MS4A8: variants seen among roughly 807,000 people sequenced by gnomAD.
MS4A8 encodes membrane-spanning 4-domains subfamily A member 8.
In MS4A8, 27 loss-of-function variants were observed where a neutral mutation model predicts 23.7. That is an observed-to-expected ratio of 1.14 (90% CI 0.84 to 1.57). MS4A8 has a LOEUF of 1.57. Among genes scored for constraint, MS4A8 ranks in the 40% most tolerant of loss-of-function variants. MS4A8 has a pLI of 0.00. For synonymous variants in MS4A8, 138 were observed against 126.3 expected, an observed-to-expected ratio of 1.09 and a Z score of -0.62; for missense variants, 301 against 311.4, an observed-to-expected ratio of 0.97 and a Z score of 0.25.
Position 60,715,567 on chromosome 11 carries a change from G to C in MS4A8, c.*153G>C, listed in dbSNP as rs1195197693. 8 of 621,764 alleles carry C rather than the reference G, an allele frequency of 1.3e-5. No homozygotes were observed. The highest frequency in any genetic ancestry group is 2.0e-5 in the Non-Finnish European group (7 of 355,250). 38.5% of individuals were successfully genotyped at this position (621,764 alleles called of 1,614,324 possible). A position where few individuals can be genotyped will look rare whatever the true frequency, so the allele number is the denominator to read the frequency against. ...CACCTTCATTCTTCAATTCAGTCTAGGAAACCATGCTGTTTCTCTATCAAG... is the reference window on the plus strand; with the variant it reads ...CACCTTCATTCTTCAATTCAGTCTACGAAACCATGCTGTTTCTCTATCAAG... On this transcript the variant is annotated 3_prime_UTR_variant, in exon 7 of 7. Coordinates refer to ENST00000300226, the MANE Select transcript of MS4A8 (RefSeq NM_031457.2).
At chr11:60,710,318 T>C (rs941277191) in intron 5 of MS4A8, among the ~76,000 whole-genome samples, 1 of 152,240 alleles carries the variant, frequency 6.6e-6, no homozygotes, top group Non-Finnish European at 1.5e-5. Flanking sequence ...TAGCTCATAG[T>C]TCATACATCC....
chr11:60,707,344 C>CCTT (rs1375426001), intron 4 of MS4A8, among the ~76,000 whole-genome samples: 1 of 152,072 alleles, frequency 6.6e-6, no homozygotes, highest in Non-Finnish European at 1.5e-5. Flanking sequence ...TAACAGCTTT[C>CCTT]CTAAGAAGCC....
intron 5 of MS4A8, among the ~76,000 whole-genome samples, chr11:60,713,737 C>T (rs1393143077): frequency 1.3e-5 from 2 of 151,990 alleles, no homozygotes; most frequent in Non-Finnish European, 2.9e-5. Context: ...GGCTGGGGGA[C>T]GGTCAGGTCT....
chr11:60,714,787 A>T (rs903692121), intron 5 of MS4A8, among the ~76,000 whole-genome samples: 1 of 152,056 alleles, frequency 6.6e-6, no homozygotes, highest in Non-Finnish European at 1.5e-5. Flanking sequence ...GCTTCCCTAA[A>T]CATGGTCATC....
At chr11:60,707,284 A>G (rs1383493932) in intron 4 of MS4A8, among the ~76,000 whole-genome samples, 2 of 152,058 alleles carry the variant, frequency 1.3e-5, no homozygotes, top group Non-Finnish European at 1.5e-5. Flanking sequence ...CAGTCACCTT[A>G]GTTAAGGCAT....
intron 4 of MS4A8, among the ~76,000 whole-genome samples, chr11:60,708,301 C>T (rs367827450): frequency 1.2e-4 from 19 of 152,206 alleles, no homozygotes; most frequent in African/African-American, 3.9e-4. Flanking sequence ...ATCTGTTTAC[C>T]TTTGCCCAAC....
At chr11:60,705,016 A>G (rs1376004054) in intron 3 of MS4A8, among the ~76,000 whole-genome samples, 2 of 152,062 alleles carry the variant, frequency 1.3e-5, no homozygotes, top group Admixed American at 6.5e-5. Context: ...TTCCTCATAA[A>G]TGGCACAACT....
Position 60,715,065 on chromosome 11 carries a change from C to G in MS4A8, c.579C>G (p.Leu193=). The G allele has an allele frequency of 2.5e-6, 4 of 1,614,164 alleles. No individual in the cohort carries two copies. The highest frequency in any genetic ancestry group is 3.4e-6 in the Non-Finnish European group (4 of 1,180,034). Residue 193 remains leucine, a synonymous_variant, in exon 6 of 7, where the codon CTC becomes CTG. Transcript: ENST00000300226. The stretch of plus-strand genomic sequence containing the variant: ...CTGGCGTGCTGCTGGTCTTCTGCCT[C>G]CTGGAGTTTGGCATCGCATGCGCAT... The part of the protein sequence containing the change: ...AISGVLLVFC[L]LEFGIACASS...
At chr11:60,704,199 C>A (rs1427768713) in intron 3 of MS4A8, among the ~76,000 whole-genome samples, 1 of 150,328 alleles carries the variant, frequency 6.7e-6, no homozygotes, top group African/African-American at 2.5e-5. Flanking sequence ...CGGCTCACCG[C>A]AACCTCCCCC....
At chr11:60,704,007 T>C (rs1202063449) in intron 3 of MS4A8, among the ~76,000 whole-genome samples, 1 of 152,122 alleles carries the variant, frequency 6.6e-6, no homozygotes, top group East Asian at 1.9e-4. Context: ...AGGGCTTCAA[T>C]CTACGAAATT....
At chr11:60,706,821 C>A (rs2088259706) in intron 3 of MS4A8, among the ~76,000 whole-genome samples, 167 bp from the exon 4 acceptor site, 1 of 152,188 alleles carries the variant, frequency 6.6e-6, no homozygotes, top group African/African-American at 2.4e-5. Context: ...ATTTATCCCA[C>A]CCCAGTGCCT....
chr11:60,700,920 CA>C lies in MS4A8; in HGVS notation c.62del (p.Asn21MetfsTer5). ...ATTCTGTGTTGGTGGTGGCACCCCA[CA>C]ATGGTTATCCTGTGACCCCAGGAAT... is the stretch of plus-strand genomic sequence containing the variant. ...ANSVLVVAPH[N>X]GYPVTPGIMS... On this transcript the variant is annotated frameshift_variant, in exon 2 of 7. Transcript: ENST00000300226. LOFTEE classifies it high-confidence loss of function. 6.2e-7 allele frequency: 1 copy of C among 1,614,206 alleles called. No homozygotes were observed. Among genetic ancestry groups the C allele is most frequent in the Non-Finnish European group, 8.5e-7 (1 of 1,180,032 alleles).
At chr11:60,708,975 G>C in intron 5 of MS4A8, 194 bp downstream of exon 5, 2 of 580,134 alleles carry the variant, frequency 3.4e-6, no homozygotes, top group Non-Finnish European at 6.0e-6. Context: ...TTGGGTTTCT[G>C]CCTTTGTAGA....
rs564312512 is a variant in MS4A8, at chr11:60,712,359, C to T, written c.535-2662C>T. 191 of 985,306 alleles carry T rather than the reference C, an allele frequency of 1.9e-4. No homozygotes were observed. In the African/African-American group the frequency reaches 3.1e-3, roughly 16 times the overall value. The allele number at this position is 985,306 out of a possible 1,614,324, so 61.0% of individuals were successfully genotyped here. On this transcript the variant is annotated intron_variant, in intron 5 of 6. Transcript: ENST00000300226. Reference sequence around the variant, plus strand: ...TGCCTCTCAGGATGCATTTCTTAGCCGCTTCTACCAAGCAGATGTTTAATA... The same window carrying T: ...TGCCTCTCAGGATGCATTTCTTAGCTGCTTCTACCAAGCAGATGTTTAATA...
chr11:60,703,410 C>T lies in MS4A8; in HGVS notation c.252C>T (p.Ile84=), dbSNP rs141691182. The T allele has an allele frequency of 2.2e-5, 35 of 1,602,148 alleles. No homozygotes were observed. The highest frequency in any genetic ancestry group is 1.7e-4 in the Middle Eastern group (1 of 6,058). The change falls in exon 3 of 7, where the codon ATC becomes ATT. Residue 84 remains isoleucine (I), a synonymous_variant. Transcript: ENST00000300226. ...AGATCATCATTGGCCTGGCTCACAT[C>T]GGCCTCGGCTCCATCATGGCGACGG... ...AIQIIIGLAH[I]GLGSIMATVL...
In MS4A8 at chr11:60,713,950, C is replaced by T. The variant is rs1327234707; in HGVS notation, c.535-1071C>T. On this transcript the variant is annotated intron_variant, in intron 5 of 6. Coordinates refer to ENST00000300226, the MANE Select transcript of MS4A8 (RefSeq NM_031457.2). ...TTTTTTTTTTTGAGACGGAGTCTCG[C>T]TCTGTCGCCCAGGCCGGACTGCGGA... Among the ~76,000 whole-genome samples the T allele has an allele frequency of 2.3e-5, 3 of 132,550 alleles. No homozygotes were observed. The East Asian group carries it at 6.3e-4, about 28-fold the overall frequency. The allele number at this position is 132,550 out of a possible 152,430, so 87.0% of individuals were successfully genotyped here.
intron 1 of MS4A8, among the ~76,000 whole-genome samples, chr11:60,700,255 A>C (rs1215193974): frequency 6.6e-6 from 1 of 152,180 alleles, no homozygotes; most frequent in Non-Finnish European, 1.5e-5. Flanking sequence ...CACTCTAAAC[A>C]CTATGAGAGG....
At chr11:60,705,920 C>G (rs191328290) in intron 3 of MS4A8, among the ~76,000 whole-genome samples, 1 of 152,182 alleles carries the variant, frequency 6.6e-6, no homozygotes, top group Non-Finnish European at 1.5e-5. Context: ...TCAGTCTCCT[C>G]ATTGATAAAA....
At chr11:60,705,737 C>T (rs902567397) in intron 3 of MS4A8, among the ~76,000 whole-genome samples, 1 of 152,230 alleles carries the variant, frequency 6.6e-6, no homozygotes, top group Non-Finnish European at 1.5e-5. Flanking sequence ...CTCTATGGCA[C>T]ATGCATCTGC....
Sources: allele counts gnomAD v4.1 joint callset (sites outside exome capture counted in the v4.1 genomes callset), GRCh38; gene constraint gnomAD v4.1.1; transcripts MANE v1.5; gene names NCBI Gene and HGNC (gene_info 2026-07-23, HGNC 2026-07-21).